STXBP5L: variants seen among roughly 807,000 people sequenced by gnomAD.
STXBP5L encodes the protein syntaxin binding protein 5L, also known as syntaxin-binding protein 5-like.
STXBP5L carries 65 observed loss-of-function variants against 144.5 expected under a neutral mutation model. The ratio of observed to expected loss-of-function variants is 0.45; its 90% confidence interval spans 0.37 to 0.55. The LOEUF is 0.55. STXBP5L is among the 20% of genes least tolerant of loss of function. The probability of loss-of-function intolerance (pLI) is 0.00; values close to 1 mark genes in which losing one functional copy is unlikely to be tolerated. For missense variants in STXBP5L, 1,298 were observed against 1,405.5 expected (o/e 0.92, Z 1.22); for synonymous variants, 505 against 469.6 (o/e 1.08, Z -0.97).
intron 2 of STXBP5L, among the ~76,000 whole-genome samples, chr3:120,946,069 A>G (rs1559895708): frequency 6.6e-6 from 1 of 151,848 alleles, no homozygotes; most frequent in African/African-American, 2.4e-5. Flanking sequence ...TAGGCTGATG[A>G]TCAATACTGG....
At chr3:121,090,152 G>A (rs2042705924) in intron 5 of STXBP5L, among the ~76,000 whole-genome samples, 1 of 151,986 alleles carries the variant, frequency 6.6e-6, no homozygotes, top group Non-Finnish European at 1.5e-5. Flanking sequence ...GACATTCCAG[G>A]CATTGTTATG....
intron 20 of STXBP5L, among the ~76,000 whole-genome samples, chr3:121,327,146 A>G (rs945085645): frequency 6.6e-6 from 1 of 152,150 alleles, no homozygotes; most frequent in African/African-American, 2.4e-5. Context: ...TTGACTTTGA[A>G]TTGAATTAGG....
chr3:121,263,779 A>G (rs2050462710), intron 18 of STXBP5L, among the ~76,000 whole-genome samples: 1 of 152,142 alleles, frequency 6.6e-6, no homozygotes, highest in South Asian at 2.1e-4. Flanking sequence ...AATGAAAAGG[A>G]ATGAACAAAG....
intron 2 of STXBP5L, among the ~76,000 whole-genome samples, chr3:120,945,537 C>CA (rs1443548277): frequency 2.0e-5 from 3 of 151,404 alleles, no homozygotes; most frequent in Non-Finnish European, 3.0e-5. Flanking sequence ...CAATGTCAAC[C>CA]AAAAAAATCA....
At chr3:121,288,449 C>G (rs1218377567) in intron 19 of STXBP5L, among the ~76,000 whole-genome samples, 4 of 152,190 alleles carry the variant, frequency 2.6e-5, no homozygotes, top group Admixed American at 6.5e-5. Context: ...CTAATATACA[C>G]TCTTACCAAC....
intron 3 of STXBP5L, among the ~76,000 whole-genome samples, chr3:121,004,182 T>G (rs1433172826): frequency 2.0e-5 from 3 of 152,172 alleles, no homozygotes; most frequent in South Asian, 2.1e-4. Context: ...CTACCCATGA[T>G]CATGGAATGT....
At chr3:121,031,348 G>A (rs1243389118) in intron 3 of STXBP5L, among the ~76,000 whole-genome samples, 1 of 151,700 alleles carries the variant, frequency 6.6e-6, no homozygotes, top group Non-Finnish European at 1.5e-5. Flanking sequence ...GCAACCAATA[G>A]GATGTATATG....
chr3:120,921,476 C>G (rs12635124), intron 2 of STXBP5L, among the ~76,000 whole-genome samples: 1 of 151,720 alleles, frequency 6.6e-6, no homozygotes, highest in Non-Finnish European at 1.5e-5. Context: ...ATATTTTTAG[C>G]TTGATGCAAT....
intron 2 of STXBP5L, among the ~76,000 whole-genome samples, chr3:120,953,153 G>A (rs1937629932): frequency 6.6e-6 from 1 of 151,886 alleles, no homozygotes; most frequent in African/African-American, 2.4e-5. Context: ...ACAAGAAATG[G>A]ATCTTACAGA....
At chr3:121,203,503 C>T (rs761409751) in intron 9 of STXBP5L, among the ~76,000 whole-genome samples, 5 of 152,102 alleles carry the variant, frequency 3.3e-5, no homozygotes, top group Non-Finnish European at 5.9e-5. Context: ...TGGTACACTA[C>T]TCTGAATGTT....
At chr3:121,136,531 A>G (rs2045265351) in intron 7 of STXBP5L, among the ~76,000 whole-genome samples, 2 of 152,212 alleles carry the variant, frequency 1.3e-5, no homozygotes, top group African/African-American at 2.4e-5. Flanking sequence ...ATAAGCTACC[A>G]TCTCACACCA....
intron 11 of STXBP5L, among the ~76,000 whole-genome samples, chr3:121,233,274 T>G (rs2049365103): frequency 6.6e-6 from 1 of 152,150 alleles, no homozygotes; most frequent in South Asian, 2.1e-4. Flanking sequence ...AAATCAGATC[T>G]AAAATACAAA....
intron 22 of STXBP5L, among the ~76,000 whole-genome samples, chr3:121,382,266 G>A (rs1189230668): frequency 6.6e-6 from 1 of 151,806 alleles, no homozygotes; most frequent in African/African-American, 2.4e-5. Context: ...ATTTTAAAAG[G>A]ATATATATTA....
chr3:120,948,550 C>T (rs955320089), intron 2 of STXBP5L, among the ~76,000 whole-genome samples: 3 of 151,772 alleles, frequency 2.0e-5, no homozygotes, highest in African/African-American at 7.2e-5. Flanking sequence ...TTAACTCTCA[C>T]CCAACTCCCA....
intron 3 of STXBP5L, among the ~76,000 whole-genome samples, chr3:120,990,732 A>G (rs867932966): frequency 2.6e-5 from 4 of 152,200 alleles, no homozygotes; most frequent in Admixed American, 2.6e-4. Context: ...AATGGGGAAA[A>G]GATTCCTTAT....
intron 3 of STXBP5L, among the ~76,000 whole-genome samples, chr3:120,959,466 A>C (rs2107725861): frequency 6.6e-6 from 1 of 152,328 alleles, no homozygotes; most frequent in Non-Finnish European, 1.5e-5. Context: ...CCAACAGAAC[A>C]AAGCTGGAGG....
intron 9 of STXBP5L, among the ~76,000 whole-genome samples, chr3:121,185,317 C>G (rs1192011283): frequency 6.6e-6 from 1 of 152,120 alleles, no homozygotes; most frequent in Non-Finnish European, 1.5e-5. Flanking sequence ...TCCCATTTGT[C>G]AATTTTGGCT....
chr3:120,967,419 C>A (rs564386278), intron 3 of STXBP5L, among the ~76,000 whole-genome samples: 1 of 152,276 alleles, frequency 6.6e-6, no homozygotes, highest in East Asian at 1.9e-4. Context: ...TGTTCCTATT[C>A]GGCCATCTTC....
At chr3:121,256,263 C>T (rs2050203078) in intron 16 of STXBP5L, among the ~76,000 whole-genome samples, 1 of 151,948 alleles carries the variant, frequency 6.6e-6, no homozygotes, top group African/African-American at 2.4e-5. Flanking sequence ...TTTGTCACCA[C>T]CAGAGGTTTT....
Sources: allele counts gnomAD v4.1 joint callset (sites outside exome capture counted in the v4.1 genomes callset), GRCh38; gene constraint gnomAD v4.1.1; transcripts MANE v1.5; gene names NCBI Gene and HGNC (gene_info 2026-07-23, HGNC 2026-07-21).